Variants in CNPY1 observed in about 807,000 individuals in gnomAD.
CNPY1 encodes protein canopy homolog 1.
CNPY1 carries 14 observed loss-of-function variants against 14.4 expected under a neutral mutation model. The observed-to-expected ratio is 0.97, with a 90% confidence interval of 0.64 to 1.52. The LOEUF is 1.52. Among genes scored for constraint, CNPY1 ranks in the 40% most tolerant of loss-of-function variants. The pLI is 0.00. For missense variants in CNPY1, 129 were observed against 131.5 expected (o/e 0.98, Z 0.09); for synonymous variants, 43 against 46.5 (o/e 0.92, Z 0.31).
intron 2 of CNPY1, among the ~76,000 whole-genome samples, chr7:155,516,992 G>A (rs1179575827): frequency 6.6e-6 from 1 of 152,184 alleles, no homozygotes; most frequent in African/African-American, 2.4e-5. Context: ...GCTGGTCCTT[G>A]GGGCATTCTA....
At chr7:155,517,539 C>T (rs1796644313) in intron 2 of CNPY1, among the ~76,000 whole-genome samples, 1 of 152,188 alleles carries the variant, frequency 6.6e-6, no homozygotes, top group South Asian at 2.1e-4. Context: ...CAGGTGACTC[C>T]ACCTCCAGGA....
At chr7:155,522,609 C>T (rs1796746827) in intron 2 of CNPY1, among the ~76,000 whole-genome samples, 1 of 152,214 alleles carries the variant, frequency 6.6e-6, no homozygotes, top group Non-Finnish European at 1.5e-5. Context: ...CTATCTGGAG[C>T]CAAAGCCTTT....
intron 2 of CNPY1, among the ~76,000 whole-genome samples, chr7:155,534,888 T>C (rs984441987): frequency 7.2e-5 from 11 of 152,100 alleles, no homozygotes; most frequent in Non-Finnish European, 5.9e-5. Flanking sequence ...TCGGTGTCTG[T>C]GGACAAGAGA....
At chr7:155,543,043 C>T (rs1004991345) in intron 2 of CNPY1, among the ~76,000 whole-genome samples, 2 of 152,180 alleles carry the variant, frequency 1.3e-5, no homozygotes, top group African/African-American at 4.8e-5. Context: ...CGGGGGAACC[C>T]GCCTCACCCC....
rs897182508 is a variant in CNPY1 at position 155,529,694 on chromosome 7, C to G, written c.99+16137G>C. Among the ~76,000 whole-genome samples, 3 of 152,326 alleles carry G rather than the reference C, an allele frequency of 2.0e-5. No individual in the cohort carries two copies. In the South Asian group the frequency reaches 6.2e-4, roughly 32 times the overall value. ...GGATTAGGCCCTGCCCCACCCCACC[C>G]TGCTCCAGTATGACCTCATCTTAAC... is the stretch of plus-strand genomic sequence containing the variant. On this transcript the variant is annotated intron_variant, in intron 2 of 4. Transcript: ENST00000636446.
chr7:155,516,899 G>A (rs780175978), intron 2 of CNPY1, among the ~76,000 whole-genome samples: 6 of 152,220 alleles, frequency 3.9e-5, no homozygotes, highest in Non-Finnish European at 7.3e-5. Context: ...TGTCGTGGGC[G>A]TTGCCTCTGT....
intron 2 of CNPY1, among the ~76,000 whole-genome samples, chr7:155,544,526 A>T (rs865795033): frequency 2.6e-5 from 4 of 152,236 alleles, no homozygotes; most frequent in Non-Finnish European, 5.9e-5. Context: ...GCTGGCTGGC[A>T]CACACCCCCA....
At chr7:155,516,181 A>G (rs1046849711) in intron 2 of CNPY1, among the ~76,000 whole-genome samples, 2 of 152,146 alleles carry the variant, frequency 1.3e-5, no homozygotes, top group African/African-American at 4.8e-5. Context: ...TCAAAAGTCA[A>G]ATCCACCCCC....
chr7:155,533,133 C>T (rs916594135), intron 2 of CNPY1, among the ~76,000 whole-genome samples: 1 of 152,220 alleles, frequency 6.6e-6, no homozygotes, highest in African/African-American at 2.4e-5. Context: ...ACAGTGACAA[C>T]ATCTGCGTGG....
At chr7:155,533,114 A>G (rs369444643) in intron 2 of CNPY1, among the ~76,000 whole-genome samples, 8 of 152,354 alleles carry the variant, frequency 5.3e-5, no homozygotes, top group African/African-American at 1.9e-4. Context: ...GTAACCAAGC[A>G]TACGCCGTAC....
intron 4 of CNPY1, among the ~76,000 whole-genome samples, chr7:155,506,265 A>G (rs1369119355): frequency 1.3e-5 from 2 of 152,234 alleles, no homozygotes; most frequent in Non-Finnish European, 2.9e-5. Context: ...CTTCCCAAAG[A>G]TATCCAAAAG....
intron 2 of CNPY1, among the ~76,000 whole-genome samples, chr7:155,538,937 C>T (rs952551356): frequency 8.5e-5 from 13 of 152,112 alleles, no homozygotes; most frequent in Admixed American, 2.6e-4. Flanking sequence ...CATGTAGACC[C>T]GGAATGCTGA....
intron 2 of CNPY1, among the ~76,000 whole-genome samples, chr7:155,538,675 G>A (rs1438281695): frequency 3.3e-5 from 5 of 152,194 alleles, no homozygotes; most frequent in African/African-American, 1.2e-4. Flanking sequence ...GGGGAGTTCT[G>A]GGGGCTGGGG....
intron 2 of CNPY1, among the ~76,000 whole-genome samples, chr7:155,514,861 TC>T (rs1268779958): frequency 6.6e-6 from 1 of 151,876 alleles, no homozygotes; most frequent in Non-Finnish European, 1.5e-5. Context: ...GCCATTGCAC[TC>T]CAGCCTGGGC....
chr7:155,513,404 T>C (rs921874450), intron 2 of CNPY1, among the ~76,000 whole-genome samples: 1 of 152,216 alleles, frequency 6.6e-6, no homozygotes, highest in Non-Finnish European at 1.5e-5. Context: ...GAATTTGTGG[T>C]GTCCATAAGA....
At chr7:155,521,425 TC>T (rs1796722364) in intron 2 of CNPY1, among the ~76,000 whole-genome samples, 1 of 152,116 alleles carries the variant, frequency 6.6e-6, no homozygotes, top group Non-Finnish European at 1.5e-5. Flanking sequence ...AACGCTAAGA[TC>T]CCCTTGCTTG....
rs554542996 is a variant in CNPY1 at position 155,502,844 on chromosome 7, T to G, written c.*224A>C. ...TTGATTTATCAAAATCTGCAAAGGTTAATTTAAGTTTCATGTACTCCTCAG... is the reference window on the plus strand; with the variant it reads ...TTGATTTATCAAAATCTGCAAAGGTGAATTTAAGTTTCATGTACTCCTCAG... On this transcript the variant is annotated 3_prime_UTR_variant, in exon 5 of 5. Transcript: ENST00000636446. 1.9e-4 allele frequency: 96 copies of G among 512,784 alleles called. 1 individual carries two copies. In the South Asian group the frequency reaches 3.3e-3, roughly 18 times the overall value. The allele number at this position is 512,784 out of a possible 1,614,324, so 31.8% of individuals were successfully genotyped here.
chr7:155,503,215 CT>C, intron 4 of CNPY1, 110 bp from the exon 5 acceptor site: 2 of 910,236 alleles, frequency 2.2e-6, no homozygotes, highest in Non-Finnish European at 3.3e-6. Flanking sequence ...ATTTTAAAAA[CT>C]TTTATTATGG....
At chr7:155,537,521 T>G (rs1193115702) in intron 2 of CNPY1, among the ~76,000 whole-genome samples, 1 of 151,970 alleles carries the variant, frequency 6.6e-6, no homozygotes, top group Non-Finnish European at 1.5e-5. Flanking sequence ...CCTCCTGGAT[T>G]CAAGTGATTC....
Sources: allele counts gnomAD v4.1 joint callset (sites outside exome capture counted in the v4.1 genomes callset), GRCh38; gene constraint gnomAD v4.1.1; transcripts MANE v1.5; gene names NCBI Gene and HGNC (gene_info 2026-07-23, HGNC 2026-07-21).